The following ZNF527 variants were observed in gnomAD, a reference collection of about 807,000 sequenced individuals.
ZNF527 encodes the protein zinc finger protein 527.
A neutral mutation model predicts 13.5 loss-of-function variants in ZNF527; 5 were observed. The ratio of observed to expected loss-of-function variants is 0.37; its 90% CI spans 0.19 to 0.78. ZNF527 has a LOEUF of 0.78. ZNF527 is among the 30% of genes least tolerant of loss of function. The pLI is 0.48. For missense variants in ZNF527, 628 were observed against 726.4 expected (o/e 0.86, Z 1.56); for synonymous variants, 209 against 243.1 (o/e 0.86, Z 1.30).
intron 4 of ZNF527, chr19:37,384,968 C>T (rs898708592): frequency 1.4e-6 from 1 of 701,838 alleles, no homozygotes; most frequent in Non-Finnish European, 2.6e-6. Context: ...TCAGCATGCA[C>T]ACCACTGCAC....
At position 37,391,540 on chromosome 19, in the gene ZNF527, G is replaced by T. The variant is rs1468512824; in HGVS notation, c.*1661G>T. On this transcript the variant is annotated 3_prime_UTR_variant, in exon 5 of 5. Coordinates refer to ENST00000436120, the MANE Select transcript of ZNF527 (RefSeq NM_032453.2). ...GCGAAGATCGCGCCATTGTACTCCA[G>T]CCTGGGCAACAAGAGCGAAACTCCT... 6.6e-6 allele frequency: 1 copy of T among 150,810 alleles called. No homozygotes were observed. Among genetic ancestry groups the T allele is most frequent in the African/African-American group, 2.4e-5 (1 of 41,072 alleles). The allele number at this position is 150,810 out of a possible 1,614,324, so 9.3% of individuals were successfully genotyped here.
chr19:37,383,684 G>A (rs2040674002), intron 4 of ZNF527, among the ~76,000 whole-genome samples: 1 of 151,766 alleles, frequency 6.6e-6, no homozygotes, highest in Admixed American at 6.6e-5. Context: ...GACTACAGGT[G>A]CGTACCACCA....
chr19:37,375,311 T>TTTCTTTGTTTTCTTTCTTTCTTTCTTTC lies in ZNF527; in HGVS notation c.33+1082_33+1083insCTTTGTTTTCTTTCTTTCTTTCTTTCTT, dbSNP rs760003304. Among the ~76,000 whole-genome samples the TTTCTTTGTTTTCTTTCTTTCTTTCTTTC allele has an allele frequency of 1.1e-3, 87 of 79,838 alleles. 2 individuals are homozygous for TTTCTTTGTTTTCTTTCTTTCTTTCTTTC. Among genetic ancestry groups the TTTCTTTGTTTTCTTTCTTTCTTTCTTTC allele is most frequent in the African/African-American group, 4.7e-3 (83 of 17,798 alleles). 52.4% of individuals were successfully genotyped at this position (79,838 alleles called of 152,430 possible). On this transcript the variant is annotated intron_variant, in intron 2 of 4. Transcript: ENST00000436120. ...CTTTCTTTCTTTCTTTCTTTCTTTC[T>TTTCTTTGTTTTCTTTCTTTCTTTCTTTC]TTTCTTTCTTTCTTTCTTTCTTTCT...
chr19:37,391,591 AT>A lies in ZNF527; in HGVS notation c.*1713del, dbSNP rs1313904975. On this transcript the variant is annotated 3_prime_UTR_variant, in exon 5 of 5. Transcript: ENST00000436120. ...TCTCAAAAAAAAAAAAAAAAAAAAA[AT>A]AAATAAATAAATAAATAAATAAATT... The A allele has an allele frequency of 6.6e-6, 1 of 150,524 alleles. No individual in the cohort carries two copies. Among genetic ancestry groups the A allele is most frequent in the Non-Finnish European group, 1.5e-5 (1 of 67,498 alleles). The allele number at this position is 150,524 out of a possible 1,614,324, so 9.3% of individuals were successfully genotyped here.
chr19:37,387,853 G>T (rs1213718968), intron 4 of ZNF527, among the ~76,000 whole-genome samples: 1 of 152,192 alleles, frequency 6.6e-6, no homozygotes, highest in Non-Finnish European at 1.5e-5. Context: ...TGCTGACATT[G>T]TCTGAGGCAT....
At chr19:37,375,723 G>A (rs979615362) in intron 2 of ZNF527, among the ~76,000 whole-genome samples, 20 of 152,058 alleles carry the variant, frequency 1.3e-4, no homozygotes, top group African/African-American at 3.9e-4. Flanking sequence ...TGTGGTGAAC[G>A]TAGATAGGAA....
At position 37,377,395 on chromosome 19, in the gene ZNF527, G is replaced by A. The variant is rs146883126; in HGVS notation, c.34-1725G>A. ...GGATGAGGAAGTTAAAAGTGAGATC[G>A]GGATGAGTTGATGGTGGTTCGAGAG... On this transcript the variant is annotated intron_variant, in intron 2 of 4. Transcript: ENST00000436120. 7.8e-4 allele frequency among the ~76,000 whole-genome samples: 119 copies of A among 152,214 alleles called. 1 individual carries two copies. The highest frequency in any genetic ancestry group is 2.6e-3 in the African/African-American group (109 of 41,540).
Position 37,375,305 on chromosome 19 carries a change from T to TC in ZNF527, c.33+1075dup, listed in dbSNP as rs1319214599. Among the ~76,000 whole-genome samples, 44 of 117,690 alleles carry TC rather than the reference T, an allele frequency of 3.7e-4. 1 individual carries two copies. The highest frequency in any genetic ancestry group is 2.0e-3 in the East Asian group (8 of 4,092). The allele number at this position is 117,690 out of a possible 152,430, so 77.2% of individuals were successfully genotyped here. On this transcript the variant is annotated intron_variant, in intron 2 of 4. Coordinates refer to ENST00000436120, the MANE Select transcript of ZNF527 (RefSeq NM_032453.2). ...TTCTTTCTTTCTTTCTTTCTTTCTT[T>TC]CTTTCTTTTCTTTCTTTCTTTCTTT...
chr19:37,376,148 G>A (rs1291980322), intron 2 of ZNF527, among the ~76,000 whole-genome samples: 2 of 151,872 alleles, frequency 1.3e-5, no homozygotes, highest in Non-Finnish European at 2.9e-5. Context: ...TATGTATGCA[G>A]GGCAACACAG....
chr19:37,382,987 A>T (rs559104074), intron 4 of ZNF527, among the ~76,000 whole-genome samples: 1 of 151,882 alleles, frequency 6.6e-6, no homozygotes, highest in African/African-American at 2.4e-5. Flanking sequence ...GATTACAGTT[A>T]TGAGCCACCA....
At chr19:37,380,421 C>A in intron 4 of ZNF527, 49 bp downstream of exon 4, 2 of 1,512,074 alleles carry the variant, frequency 1.3e-6, no homozygotes, top group Non-Finnish European at 1.8e-6. Context: ...GGTACTCAAC[C>A]AAGTAGTAAG....
At chr19:37,375,302 CTTT>C (rs1416896954) in intron 2 of ZNF527, among the ~76,000 whole-genome samples, 1,453 of 104,568 alleles carry the variant, frequency 0.014, 55 homozygotes, top group African/African-American at 0.05. Context: ...TTCTTTCTTT[CTTT>C]CTTTCTTTTC....
chr19:37,383,499 G>A (rs940610888), intron 4 of ZNF527, among the ~76,000 whole-genome samples: 2 of 150,470 alleles, frequency 1.3e-5, no homozygotes, highest in Non-Finnish European at 1.5e-5. Flanking sequence ...GCCTCCCAAT[G>A]TGCTGGGATT....
At chr19:37,385,830 G>A (rs1169561661) in intron 4 of ZNF527, among the ~76,000 whole-genome samples, 1 of 152,046 alleles carries the variant, frequency 6.6e-6, no homozygotes, top group Non-Finnish European at 1.5e-5. Context: ...TTACATAGCA[G>A]TTGTAATCTC....
chr19:37,375,316 TTTCTTTCTTTC>T (rs1568691581), intron 2 of ZNF527, among the ~76,000 whole-genome samples: 19 of 109,054 alleles, frequency 1.7e-4, no homozygotes, highest in Non-Finnish European at 3.0e-4. Flanking sequence ...CTTTCTTTTC[TTTCTTTCTTTC>T]TTTCTTTCTT....
intron 1 of ZNF527, 88 bp from the exon 2 acceptor site, chr19:37,374,070 A>C (rs1433764967): frequency 2.7e-5 from 23 of 854,106 alleles, no homozygotes; most frequent in Non-Finnish European, 4.5e-5. Flanking sequence ...TGTAGGGAGA[A>C]GAAAGGGGCA....
At chr19:37,380,847 C>T (rs928674668) in intron 4 of ZNF527, among the ~76,000 whole-genome samples, 28 of 152,108 alleles carry the variant, frequency 1.8e-4, no homozygotes, top group African/African-American at 5.8e-4. Context: ...CTTCCTAGAG[C>T]GATCCACTTT....
chr19:37,389,894 G>C lies in ZNF527; in HGVS notation c.*15G>C, dbSNP rs2040738359. On this transcript the variant is annotated 3_prime_UTR_variant, in exon 5 of 5. Transcript: ENST00000436120. ...AAACGCTCTGATTATAACAAGTATA[G>C]GAAAGAAAACATGTGGTTACCACTC... 1.3e-6 allele frequency: 2 copies of C among 1,547,864 alleles called. No homozygotes were observed.
intron 4 of ZNF527, among the ~76,000 whole-genome samples, chr19:37,382,411 C>T (rs2040662271): frequency 6.6e-6 from 1 of 152,128 alleles, no homozygotes; most frequent in Admixed American, 6.5e-5. Flanking sequence ...TATACTAAAA[C>T]TATCAGTTTA....
Sources: gnomAD v4.1 joint callset for allele counts (sites outside exome capture counted in the v4.1 genomes callset) on GRCh38, gnomAD v4.1.1 for gene constraint, MANE v1.5 for transcripts, NCBI Gene and HGNC (gene_info 2026-07-23, HGNC 2026-07-21) for gene names.